The following FGGY variants were observed in gnomAD, a reference collection of about 807,000 sequenced individuals.
FGGY encodes the protein FGGY carbohydrate kinase domain containing, also known as FGGY carbohydrate kinase domain-containing protein.
Under a neutral mutation model 71.3 loss-of-function variants are expected in FGGY, and 72 were observed. That is an observed-to-expected ratio of 1.01 (90% CI 0.84 to 1.23). FGGY has a LOEUF of 1.23. FGGY is among the 50% of genes most tolerant of loss of function. The pLI is 0.00. For synonymous variants in FGGY, 251 were observed against 250.3 expected, an observed-to-expected ratio of 1.00 and a Z score of -0.02; for missense variants, 668 against 682.3, an observed-to-expected ratio of 0.98 and a Z score of 0.23.
chr1:59,547,397 T>C (rs576513727), intron 7 of FGGY, among the ~76,000 whole-genome samples: 9 of 152,250 alleles, frequency 5.9e-5, no homozygotes, highest in African/African-American at 2.2e-4. Context: ...TTCTTGTAAG[T>C]AGTTGAAAAG....
chr1:59,740,856 G>A (rs2098141378), intron 14 of FGGY, among the ~76,000 whole-genome samples: 1 of 152,080 alleles, frequency 6.6e-6, no homozygotes, highest in African/African-American at 2.4e-5. Flanking sequence ...CGTATTTATT[G>A]AACCCGCGAG....
chr1:59,300,924 GT>G (rs1237917812), intron 1 of FGGY, among the ~76,000 whole-genome samples: 14 of 151,926 alleles, frequency 9.2e-5, no homozygotes, highest in Admixed American at 2.6e-4. Context: ...CTTTAATTTT[GT>G]TCTTTTTAAA....
chr1:59,622,554 G>A (rs1032573501), intron 9 of FGGY, among the ~76,000 whole-genome samples: 4 of 152,134 alleles, frequency 2.6e-5, no homozygotes, highest in Admixed American at 6.5e-5. Context: ...AGCCTTAGCT[G>A]GACTACTTCT....
intron 15 of FGGY, among the ~76,000 whole-genome samples, chr1:59,761,794 G>A (rs1464819639): frequency 6.6e-6 from 1 of 152,202 alleles, no homozygotes; most frequent in East Asian, 1.9e-4. Context: ...GATAAAGCAG[G>A]TCACAAGGGA....
intron 7 of FGGY, among the ~76,000 whole-genome samples, chr1:59,521,337 CAGGCTCCA>C (rs1420714350): frequency 6.6e-6 from 1 of 152,128 alleles, no homozygotes; most frequent in African/African-American, 2.4e-5. Flanking sequence ...TTCCTGTTCC[CAGGCTCCA>C]AGGCTTTCTT....
At chr1:59,506,052 AC>A (rs1390759660) in intron 6 of FGGY, among the ~76,000 whole-genome samples, 1 of 152,152 alleles carries the variant, frequency 6.6e-6, no homozygotes, top group Non-Finnish European at 1.5e-5. Flanking sequence ...GGGTGTGTAC[AC>A]CGAGACAGAG....
intron 14 of FGGY, among the ~76,000 whole-genome samples, chr1:59,713,010 A>G (rs564639212): frequency 1.3e-5 from 2 of 152,316 alleles, no homozygotes; most frequent in Non-Finnish European, 2.9e-5. Context: ...TGCCTTTAGT[A>G]GCACCCAAGT....
rs148555525 is a variant in FGGY at position 59,615,832 on chromosome 1, C to T, written c.1011+7922C>T. Among the ~76,000 whole-genome samples the T allele has an allele frequency of 9.7e-4, 148 of 152,146 alleles. 1 individual carries two copies. Among genetic ancestry groups the T allele is most frequent in the Non-Finnish European group, 1.8e-3 (124 of 68,010 alleles). ...AGAAACAACCCCATCAGCAAGTGGG[C>T]GAAAGATATGAACAGACACTTCTCA... On this transcript the variant is annotated intron_variant, in intron 9 of 15. Coordinates refer to ENST00000303721, the MANE Select transcript of FGGY (RefSeq NM_018291.5).
At chr1:59,740,529 T>C (rs2098138909) in intron 14 of FGGY, among the ~76,000 whole-genome samples, 1 of 152,242 alleles carries the variant, frequency 6.6e-6, no homozygotes, top group East Asian at 1.9e-4. Flanking sequence ...AGCTTGAAAC[T>C]GGCCAAGATG....
chr1:59,372,101 T>A (rs2057757719), intron 4 of FGGY, among the ~76,000 whole-genome samples: 1 of 152,032 alleles, frequency 6.6e-6, no homozygotes, highest in Non-Finnish European at 1.5e-5. Flanking sequence ...AAAAAACCCT[T>A]CAAAAAGTTA....
At chr1:59,324,265 A>ATTT in intron 2 of FGGY, among the ~76,000 whole-genome samples, 1 of 109,432 alleles carries the variant, frequency 9.1e-6, no homozygotes, top group Non-Finnish European at 1.9e-5. Flanking sequence ...TATAATAACT[A>ATTT]CTTTTTTTTT....
At chr1:59,487,543 C>T (rs2093692089) in intron 6 of FGGY, among the ~76,000 whole-genome samples, 1 of 152,212 alleles carries the variant, frequency 6.6e-6, no homozygotes, top group Non-Finnish European at 1.5e-5. Context: ...TTCTTCTCAC[C>T]CGCCTTCAGG....
intron 8 of FGGY, among the ~76,000 whole-genome samples, chr1:59,571,960 T>A (rs1242229910): frequency 6.6e-6 from 1 of 152,188 alleles, no homozygotes; most frequent in Non-Finnish European, 1.5e-5. Context: ...AGGGAATAAT[T>A]ACCACAAATA....
intron 9 of FGGY, among the ~76,000 whole-genome samples, chr1:59,614,805 C>A (rs991452585): frequency 3.8e-4 from 58 of 151,990 alleles, no homozygotes; most frequent in African/African-American, 5.1e-4. Flanking sequence ...GCAAACTCCC[C>A]GGATACAAAA....
chr1:59,376,164 A>G (rs1252312028), intron 4 of FGGY, among the ~76,000 whole-genome samples: 1 of 152,224 alleles, frequency 6.6e-6, no homozygotes, highest in Non-Finnish European at 1.5e-5. Context: ...GTTAGATCCT[A>G]TACAGAGATA....
At chr1:59,368,633 A>G (rs1391055271) in intron 4 of FGGY, among the ~76,000 whole-genome samples, 6 of 152,336 alleles carry the variant, frequency 3.9e-5, no homozygotes, top group Admixed American at 2.0e-4. Context: ...GAATTAATTC[A>G]GTAAGATTGA....
At chr1:59,653,888 C>G (rs994604354) in intron 11 of FGGY, among the ~76,000 whole-genome samples, 5 of 152,206 alleles carry the variant, frequency 3.3e-5, no homozygotes, top group Non-Finnish European at 5.9e-5. Flanking sequence ...TCTACTGTGT[C>G]GCTTGACTGA....
intron 9 of FGGY, among the ~76,000 whole-genome samples, chr1:59,616,485 GT>G (rs1460365717): frequency 6.6e-6 from 1 of 152,144 alleles, no homozygotes; most frequent in Non-Finnish European, 1.5e-5. Context: ...CTGCTGTGGG[GT>G]GAGGGGAGTG....
At chr1:59,638,463 GA>G (rs1558634061) in intron 11 of FGGY, 88 bp downstream of exon 11, 4 of 1,525,320 alleles carry the variant, frequency 2.6e-6, no homozygotes, top group Admixed American at 2.0e-5. Context: ...AAAAGGAAAA[GA>G]AAAAAATAAA....
Sources: allele counts gnomAD v4.1 joint callset (sites outside exome capture counted in the v4.1 genomes callset), GRCh38; gene constraint gnomAD v4.1.1; transcripts MANE v1.5; gene names NCBI Gene and HGNC (gene_info 2026-07-23, HGNC 2026-07-21).